The following PIK3AP1 variants were observed in gnomAD, a reference collection of about 807,000 sequenced individuals.
The protein encoded by PIK3AP1 is phosphoinositide-3-kinase adaptor protein 1, also known as phosphoinositide 3-kinase adapter protein 1.
PIK3AP1 carries 21 observed loss-of-function variants against 88.1 expected under a neutral mutation model. The observed-to-expected ratio is 0.24, with a 90% CI of 0.17 to 0.34. PIK3AP1 has a LOEUF of 0.34. Among genes scored for constraint, PIK3AP1 ranks in the 10% least tolerant of loss-of-function variants. PIK3AP1 has a pLI of 1.00. For missense variants in PIK3AP1, 828 were observed against 1,035.7 expected (o/e 0.80, Z 2.75); for synonymous variants, 398 against 400.0 (o/e 1.00, Z 0.06).
rs1337022996 is a variant in PIK3AP1, at chr10:96,656,939, A to G, written c.431-5T>C. ...TGACTGAGTCACAGCCAGAATCTAC[A>G]AAATAGAGGACACCGCTGAATGGGA... On this transcript the variant is annotated splice_polypyrimidine_tract_variant and splice_region_variant and intron_variant, in intron 2 of 16. Coordinates refer to ENST00000339364, the MANE Select transcript of PIK3AP1 (RefSeq NM_152309.3). The G allele has an allele frequency of 4.3e-6, 7 of 1,613,914 alleles. No individual in the cohort carries two copies. Among genetic ancestry groups the G allele is most frequent in the Non-Finnish European group, 5.9e-6 (7 of 1,179,886 alleles).
At chr10:96,690,917 G>T (rs1844145730) in intron 2 of PIK3AP1, among the ~76,000 whole-genome samples, 1 of 152,190 alleles carries the variant, frequency 6.6e-6, no homozygotes, top group Non-Finnish European at 1.5e-5. Context: ...AGGTATGGAA[G>T]CTCCTAGGGG....
At chr10:96,638,038 G>C (rs151173711) in intron 8 of PIK3AP1, among the ~76,000 whole-genome samples, 8 of 152,288 alleles carry the variant, frequency 5.3e-5, no homozygotes, top group African/African-American at 1.9e-4. Flanking sequence ...ATGCTGGAAC[G>C]AGTTAAGAGT....
chr10:96,650,336 G>A (rs2134233010), intron 6 of PIK3AP1, among the ~76,000 whole-genome samples: 1 of 152,280 alleles, frequency 6.6e-6, no homozygotes, highest in East Asian at 1.9e-4. Context: ...GTGCAACCAT[G>A]GCATGAAGGA....
intron 14 of PIK3AP1, 41 bp downstream of exon 14, chr10:96,609,671 C>T: frequency 6.3e-7 from 1 of 1,598,138 alleles, no homozygotes; most frequent in East Asian, 2.2e-5. Context: ...CAGCTGGAGC[C>T]CAGTCAAGAA....
intron 2 of PIK3AP1, among the ~76,000 whole-genome samples, chr10:96,704,867 A>C (rs1057440988): frequency 1.3e-5 from 2 of 152,218 alleles, no homozygotes; most frequent in Non-Finnish European, 2.9e-5. Flanking sequence ...CATAGCAGCA[A>C]AAGAAAGTAT....
At chr10:96,607,028 C>G (rs1849014550) in intron 14 of PIK3AP1, among the ~76,000 whole-genome samples, 1 of 152,234 alleles carries the variant, frequency 6.6e-6, no homozygotes, top group Non-Finnish European at 1.5e-5. Flanking sequence ...AAACATAACA[C>G]TAATATCTGG....
intron 14 of PIK3AP1, among the ~76,000 whole-genome samples, chr10:96,606,631 C>T (rs1849007048): frequency 6.6e-6 from 1 of 152,228 alleles, no homozygotes; most frequent in South Asian, 2.1e-4. Flanking sequence ...ATCATCTTCA[C>T]ACTTGCCAGG....
chr10:96,650,647 C>T (rs370833639), intron 6 of PIK3AP1, among the ~76,000 whole-genome samples: 2 of 152,142 alleles, frequency 1.3e-5, no homozygotes, highest in South Asian at 4.1e-4. Flanking sequence ...ATGGAACCTA[C>T]TGGAGGTTTG....
intron 13 of PIK3AP1, among the ~76,000 whole-genome samples, chr10:96,611,731 G>A (rs1156647537): frequency 2.0e-5 from 3 of 152,130 alleles, no homozygotes; most frequent in Non-Finnish European, 4.4e-5. Flanking sequence ...GCCTCCCAAA[G>A]TGCTGGGATT....
intron 3 of PIK3AP1, among the ~76,000 whole-genome samples, chr10:96,655,434 G>A (rs754857562): frequency 6.6e-6 from 1 of 152,196 alleles, no homozygotes; most frequent in East Asian, 1.9e-4. Context: ...TTGAATCTGG[G>A]AGGCAGAGGT....
At chr10:96,658,252 G>A (rs184227512) in intron 2 of PIK3AP1, among the ~76,000 whole-genome samples, 69 of 152,274 alleles carry the variant, frequency 4.5e-4, no homozygotes, top group African/African-American at 1.5e-3. Context: ...AAAAGGACAG[G>A]AGAGGTGAGA....
intron 2 of PIK3AP1, among the ~76,000 whole-genome samples, chr10:96,681,994 GTA>G (rs201677363): frequency 0.26 from 38,618 of 146,814 alleles, 5,377 homozygotes; most frequent in East Asian, 0.36. Context: ...ATATGTGTGT[GTA>G]TATATATATA....
chr10:96,671,243 T>A (rs1843841919), intron 2 of PIK3AP1, among the ~76,000 whole-genome samples: 1 of 152,196 alleles, frequency 6.6e-6, no homozygotes, highest in Admixed American at 6.5e-5. Flanking sequence ...TATTTGTGGG[T>A]TCACAGGGTT....
chr10:96,679,406 T>C (rs938891487), intron 2 of PIK3AP1, among the ~76,000 whole-genome samples: 4 of 151,964 alleles, frequency 2.6e-5, no homozygotes, highest in African/African-American at 7.3e-5. Flanking sequence ...TGGGTGCTTA[T>C]AGTCCCAGCT....
chr10:96,676,618 G>C (rs1422579497), intron 2 of PIK3AP1, among the ~76,000 whole-genome samples: 1 of 148,460 alleles, frequency 6.7e-6, no homozygotes, highest in Non-Finnish European at 1.5e-5. Flanking sequence ...CCTTTTCCAA[G>C]AAGGTCACCA....
At chr10:96,664,737 A>C (rs1195709266) in intron 2 of PIK3AP1, among the ~76,000 whole-genome samples, 2 of 152,188 alleles carry the variant, frequency 1.3e-5, no homozygotes, top group African/African-American at 4.8e-5. Context: ...TTAGATAGCC[A>C]CCAGCAGCTC....
chr10:96,597,307 C>CTTCCTTCCTTCT (rs1848781263), intron 16 of PIK3AP1, among the ~76,000 whole-genome samples: 1 of 129,502 alleles, frequency 7.7e-6, no homozygotes, highest in Admixed American at 8.1e-5. Context: ...TCCTTCCTTC[C>CTTCCTTCCTTCT]TTCCTTCCTT....
At chr10:96,611,781 A>G (rs1849114404) in intron 13 of PIK3AP1, among the ~76,000 whole-genome samples, 1 of 152,174 alleles carries the variant, frequency 6.6e-6, no homozygotes, top group South Asian at 2.1e-4. Flanking sequence ...TCACTTTTTT[A>G]AAAGGGAGAT....
At chr10:96,706,003 C>G (rs945803141) in intron 2 of PIK3AP1, among the ~76,000 whole-genome samples, 3 of 146,764 alleles carry the variant, frequency 2.0e-5, no homozygotes, top group Non-Finnish European at 4.5e-5. Flanking sequence ...ACGCCATTCT[C>G]CTGCCTCAGC....
Sources: gnomAD v4.1 joint callset for allele counts (sites outside exome capture counted in the v4.1 genomes callset) on GRCh38, gnomAD v4.1.1 for gene constraint, MANE v1.5 for transcripts, NCBI Gene and HGNC (gene_info 2026-07-23, HGNC 2026-07-21) for gene names.